The following EVC2 variants were observed in gnomAD, a reference collection of about 807,000 sequenced individuals.
EVC2 encodes the protein limbin.
A neutral mutation model predicts 149.3 loss-of-function variants in EVC2; 148 were observed. The observed-to-expected ratio is 0.99, with a 90% CI of 0.87 to 1.14. The LOEUF (loss-of-function observed/expected upper bound fraction) is 1.14. Among genes scored for constraint, EVC2 ranks in the 50% most tolerant of loss-of-function variants. The probability of loss-of-function intolerance (pLI) is 0.00; values close to 1 mark genes in which losing one functional copy is unlikely to be tolerated. For synonymous variants in EVC2, 776 were observed against 649.9 expected, an observed-to-expected ratio of 1.19 and a Z score of -2.95; for missense variants, 1,854 against 1,627.3, an observed-to-expected ratio of 1.14 and a Z score of -2.40.
At chr4:5,539,685 A>C (rs1185553916), downstream of EVC2, among the ~76,000 whole-genome samples, 2 of 152,186 alleles carry the variant, frequency 1.3e-5, no homozygotes, top group East Asian at 3.8e-4. Flanking sequence ...CCATGGAAAA[A>C]ACAGTCTTTT....
In EVC2 at chr4:5,625,718, C is replaced by T; in HGVS notation, c.2046+31G>A. 1 of 1,613,866 alleles carries T rather than the reference C, an allele frequency of 6.2e-7. No homozygotes were observed. On this transcript the variant is annotated intron_variant, in intron 13 of 21. Coordinates refer to ENST00000344408, the MANE Select transcript of EVC2 (RefSeq NM_147127.5). The surrounding 1 kb of genome is among the most constrained non-coding windows in gnomAD (Gnocchi z 4.0). ...TGATGGGTATCAGAAAGTGCCTATG[C>T]AAAGAATAAATAGCATCATGCCTTA...
chr4:5,694,231 G>C, intron 3 of EVC2, 104 bp downstream of exon 3: 1 of 1,197,142 alleles, frequency 8.4e-7, no homozygotes, highest in Non-Finnish European at 1.2e-6. Context: ...GGAGGAATAG[G>C]GTTTTTTTAA....
At chr4:5,589,710 T>C (rs1018205743) in intron 16 of EVC2, among the ~76,000 whole-genome samples, 1 of 152,190 alleles carries the variant, frequency 6.6e-6, no homozygotes, top group Non-Finnish European at 1.5e-5. Context: ...TCCAGTGTCC[T>C]GAAAATCACT....
intron 16 of EVC2, among the ~76,000 whole-genome samples, chr4:5,608,178 G>T (rs1233882986): frequency 6.6e-6 from 1 of 152,198 alleles, no homozygotes; most frequent in Non-Finnish European, 1.5e-5. Context: ...ATTTGGGACT[G>T]AGGGTTGGCA....
chr4:5,537,666 C>T, the EVC2 span, among the ~76,000 whole-genome samples: 1 of 152,132 alleles, frequency 6.6e-6, no homozygotes, highest in African/African-American at 2.4e-5. Context: ...AAATGATTGG[C>T]ATTCAATCAA....
At chr4:5,635,734 GA>G (rs1048187966) in intron 10 of EVC2, among the ~76,000 whole-genome samples, 1 of 152,212 alleles carries the variant, frequency 6.6e-6, no homozygotes, top group Non-Finnish European at 1.5e-5. Context: ...TTGTGCTGAG[GA>G]CAAAGACTCA....
chr4:5,568,775 T>C, intron 19 of EVC2, 135 bp from the exon 20 acceptor site: 2 of 1,142,420 alleles, frequency 1.8e-6, no homozygotes, highest in Admixed American at 2.0e-5. Context: ...GAAAACATGT[T>C]CCCGAACTTT....
the EVC2 span, among the ~76,000 whole-genome samples, chr4:5,530,524 C>CGT: frequency 0.13 from 20,074 of 151,184 alleles, 1,492 homozygotes; most frequent in East Asian, 0.31. Context: ...ACAGTTACCG[C>CGT]GTGTGTGTGT....
At chr4:5,629,387 A>C (rs1466216621) in intron 11 of EVC2, among the ~76,000 whole-genome samples, 1 of 152,222 alleles carries the variant, frequency 6.6e-6, no homozygotes, top group Non-Finnish European at 1.5e-5. Context: ...CAAATGGCTG[A>C]GCAGGGATTT....
chr4:5,662,518 TA>T (rs375131190), intron 9 of EVC2, among the ~76,000 whole-genome samples: 6,915 of 143,710 alleles, frequency 0.048, 200 homozygotes, highest in East Asian at 0.13. Context: ...AATATAATAT[TA>T]ATATTAAATA....
rs150859940 is a variant in EVC2, at chr4:5,640,724, G to C, written c.1260C>G (p.Leu420=). 61 of 1,614,118 alleles carry C rather than the reference G, an allele frequency of 3.8e-5. No homozygotes were observed. In the African/African-American group the frequency reaches 6.9e-4, roughly 18 times the overall value. The change falls in exon 10 of 22, where the codon CTC becomes CTG. Residue 420 remains leucine (L), a synonymous_variant. Coordinates refer to ENST00000344408, the MANE Select transcript of EVC2 (RefSeq NM_147127.5). The surrounding 1 kb of genome is among the most constrained non-coding windows in gnomAD (Gnocchi z 4.6). ...TCATTTTTCTCTCTACTTGGGGTGA[G>C]AGGTGGCCACTGCTGGTGAGATTTT... is the stretch of plus-strand genomic sequence containing the variant. The part of the protein sequence containing the change: ...LLKNLTSSGH[L]SPQVERKMSA...
chr4:5,531,189 C>T, the EVC2 span, among the ~76,000 whole-genome samples: 9 of 152,072 alleles, frequency 5.9e-5, no homozygotes, highest in Non-Finnish European at 7.4e-5. Flanking sequence ...CAGTGACAAG[C>T]GAACTGAGTC....
Position 5,574,721 on chromosome 4 carries a change from G to A in EVC2, c.3324C>T (p.Asn1108=). The change falls in exon 19 of 22, where the codon AAC becomes AAT. Residue 1108 remains asparagine (N), a synonymous_variant. Transcript: ENST00000344408. ...GGGTTGCAAAGGTGTCTGCCTCCAT[G>A]TTTTCCAACAAGTCTTCTAGCACGA... is the stretch of plus-strand genomic sequence containing the variant. ...NSVVLEDLLE[N]MEADTFATLC... is the part of the protein sequence containing the mutation. 6.2e-7 allele frequency: 1 copy of A among 1,614,160 alleles called. No individual in the cohort carries two copies. Among genetic ancestry groups the A allele is most frequent in the Non-Finnish European group, 8.5e-7 (1 of 1,180,034 alleles).
chr4:5,639,210 A>G (rs896677040), intron 10 of EVC2, among the ~76,000 whole-genome samples: 10 of 152,318 alleles, frequency 6.6e-5, no homozygotes, highest in Middle Eastern at 3.4e-3. Flanking sequence ...AGTCTGCGGA[A>G]GGGAAGCCGA....
intron 2 of EVC2, 116 bp from the exon 3 acceptor site, chr4:5,694,617 G>C: frequency 8.6e-7 from 1 of 1,163,234 alleles, no homozygotes; most frequent in Non-Finnish European, 1.3e-6. Context: ...ACGTTTGTTG[G>C]GTAAGTAAGT....
At chr4:5,707,316 T>G (rs1195883169) in intron 1 of EVC2, among the ~76,000 whole-genome samples, 3 of 152,152 alleles carry the variant, frequency 2.0e-5, no homozygotes, top group African/African-American at 7.2e-5. Context: ...TTTAAGAGAC[T>G]AAACCTCTGC....
chr4:5,612,411 C>G (rs1351293182), intron 16 of EVC2, among the ~76,000 whole-genome samples: 2 of 152,146 alleles, frequency 1.3e-5, no homozygotes, highest in Non-Finnish European at 2.9e-5. Context: ...TTAGTTCCTT[C>G]TATTAAAATG....
chr4:5,562,711 C>T lies in EVC2; in HGVS notation c.*137G>A. On this transcript the variant is annotated 3_prime_UTR_variant, in exon 22 of 22. Coordinates refer to ENST00000344408, the MANE Select transcript of EVC2 (RefSeq NM_147127.5). The surrounding 1 kb of genome is among the most constrained non-coding windows in gnomAD (Gnocchi z 4.3). ...ATTAAACCGAGTCCCTGCAAGTTGG[C>T]ATGCGCTACGGGGTCTGTGCCTTCT... The T allele has an allele frequency of 6.5e-7, 1 of 1,544,034 alleles. No homozygotes were observed.
intron 9 of EVC2, among the ~76,000 whole-genome samples, chr4:5,648,134 C>T (rs1166310178): frequency 6.6e-6 from 1 of 152,120 alleles, no homozygotes; most frequent in African/African-American, 2.4e-5. Context: ...ATAGCCATCA[C>T]CTTAAATATT....
Sources: gnomAD v4.1 joint callset for allele counts (sites outside exome capture counted in the v4.1 genomes callset) on GRCh38, gnomAD v4.1.1 for gene constraint, Gnocchi (gnomAD v3.1) non-coding constraint, MANE v1.5 for transcripts, NCBI Gene and HGNC (gene_info 2026-07-23, HGNC 2026-07-21) for gene names.